THTPA: variants seen among roughly 807,000 people sequenced by gnomAD.
THTPA encodes the protein thiamine-triphosphatase.
THTPA carries 16 observed loss-of-function variants against 16.5 expected under a neutral mutation model. The ratio of observed to expected loss-of-function variants is 0.97; its 90% CI spans 0.66 to 1.47. The LOEUF is 1.47. Among genes scored for constraint, THTPA ranks in the 40% most tolerant of loss-of-function variants. The pLI, the probability that THTPA is intolerant of heterozygous loss-of-function variation, is 0.00. For synonymous variants in THTPA, 110 were observed against 115.5 expected, an observed-to-expected ratio of 0.95 and a Z score of 0.30; for missense variants, 281 against 280.9, an observed-to-expected ratio of 1.00 and a Z score of 0.00.
At chr14:23,525,261 C>T in the THTPA span, 1 of 1,536,116 alleles carries the variant, frequency 6.5e-7, no homozygotes, top group Non-Finnish European at 8.7e-7. This position sits in a 1 kb window ranked among gnomAD's most constrained non-coding sequence, Gnocchi z 5.9. Flanking sequence ...GCACGGGTCC[C>T]CCCTGCCTCA....
the THTPA span, among the ~76,000 whole-genome samples, chr14:23,536,954 A>ACGGTGAAACCC: frequency 5.7e-3 from 859 of 151,734 alleles, 11 homozygotes; most frequent in African/African-American, 0.02. Flanking sequence ...CCTGGCCAAC[A>ACGGTGAAACCC]TGGTGAAACC....
chr14:23,524,519 G>A, the THTPA span: 47 of 1,526,240 alleles, frequency 3.1e-5, no homozygotes, highest in Admixed American at 5.9e-5. The surrounding 1 kb of genome is among the most constrained non-coding windows in gnomAD (Gnocchi z 5.6). Flanking sequence ...CACCAGCAAG[G>A]GCAGATCTAG....
upstream of THTPA, among the ~76,000 whole-genome samples, chr14:23,552,014 ATG>A (rs1392091945): frequency 3.3e-5 from 5 of 151,944 alleles, no homozygotes; most frequent in Non-Finnish European, 7.4e-5. Context: ...GAAACCATAC[ATG>A]TGTTTTGTTG....
At chr14:23,535,408 G>A in the THTPA span, 76 of 1,401,592 alleles carry the variant, frequency 5.4e-5, no homozygotes, top group Middle Eastern at 4.3e-4. The surrounding 1 kb of genome is among the most constrained non-coding windows in gnomAD (Gnocchi z 4.5). Context: ...AGTGCTGTGA[G>A]GCTGCAGGGA....
rs1340475532 is a variant in THTPA at position 23,558,681 on chromosome 14, C to T, written c.548-14C>T. 1.2e-6 allele frequency: 2 copies of T among 1,614,108 alleles called. No individual in the cohort carries two copies. Among genetic ancestry groups the T allele is most frequent in the Non-Finnish European group, 1.7e-6 (2 of 1,180,002 alleles). ...CTCTGTCCATTTCTCTCCTCATTGT[C>T]CTTTTACCTGTAGGTGTGCCTGCAC... On this transcript the variant is annotated splice_polypyrimidine_tract_variant and intron_variant, in intron 1 of 1. Coordinates refer to ENST00000288014, the MANE Select transcript of THTPA (RefSeq NM_024328.6).
At chr14:23,545,829 G>C in the THTPA span, among the ~76,000 whole-genome samples, 2 of 152,224 alleles carry the variant, frequency 1.3e-5, no homozygotes, top group African/African-American at 4.8e-5. Context: ...AGAGGCTTGA[G>C]ATTAGGGAAA....
the THTPA span, chr14:23,526,326 G>A: frequency 2.0e-5 from 31 of 1,536,290 alleles, no homozygotes; most frequent in Admixed American, 4.9e-4. Flanking sequence ...TGAACCAACA[G>A]AATATTCTTC....
the THTPA span, chr14:23,534,165 G>A: frequency 2.0e-5 from 30 of 1,471,660 alleles, no homozygotes; most frequent in Middle Eastern, 1.8e-4. The surrounding 1 kb of genome is among the most constrained non-coding windows in gnomAD (Gnocchi z 4.5). Flanking sequence ...GGTTGAGTGG[G>A]GGGCAGAGCC....
chr14:23,522,949 G>T, the THTPA span: 2 of 1,437,662 alleles, frequency 1.4e-6, no homozygotes, highest in Non-Finnish European at 1.8e-6. Flanking sequence ...GGCCTAGAAA[G>T]GTGAAAGGAA....
chr14:23,543,278 A>G, the THTPA span: 4 of 152,190 alleles, frequency 2.6e-5, no homozygotes, highest in Non-Finnish European at 5.9e-5. Flanking sequence ...CTATTTTACA[A>G]ACATGGAGAC....
At chr14:23,527,747 G>A in the THTPA span, 37 of 1,536,128 alleles carry the variant, frequency 2.4e-5, no homozygotes, top group Admixed American at 4.9e-4. Context: ...GAGAGTGTAT[G>A]AGCCCTCACC....
the THTPA span, chr14:23,524,606 G>A: frequency 6.5e-7 from 1 of 1,536,380 alleles, no homozygotes; most frequent in Middle Eastern, 1.7e-4. This position sits in a 1 kb window ranked among gnomAD's most constrained non-coding sequence, Gnocchi z 5.6. Context: ...GTCCTGGCTG[G>A]AGAAAGAAAT....
chr14:23,522,038 G>A, the THTPA span: 1 of 1,536,388 alleles, frequency 6.5e-7, no homozygotes, highest in Non-Finnish European at 8.7e-7. Flanking sequence ...TTCCTCTTTG[G>A]CAAAAGCCAC....
At chr14:23,556,217 T>G (rs1390813852), upstream of THTPA, 1 of 154,196 alleles carries the variant, frequency 6.5e-6, no homozygotes, top group Non-Finnish European at 1.4e-5. Flanking sequence ...TGCCGGGACC[T>G]GCCGGGCGCG....
chr14:23,534,928 C>T, the THTPA span: 1 of 1,536,164 alleles, frequency 6.5e-7, no homozygotes, highest in Non-Finnish European at 8.7e-7. The surrounding 1 kb of genome is among the most constrained non-coding windows in gnomAD (Gnocchi z 4.5). Flanking sequence ...GAGTTCACTG[C>T]CACCTGGCAG....
the THTPA span, among the ~76,000 whole-genome samples, chr14:23,520,674 G>A: frequency 6.6e-6 from 1 of 152,050 alleles, no homozygotes; most frequent in African/African-American, 2.4e-5. This position sits in a 1 kb window ranked among gnomAD's most constrained non-coding sequence, Gnocchi z 8.7. Flanking sequence ...CACCTTGGAG[G>A]CTGCGCATAG....
the THTPA span, chr14:23,533,941 T>C: frequency 6.5e-7 from 1 of 1,538,086 alleles, no homozygotes; most frequent in Non-Finnish European, 8.7e-7. This position sits in a 1 kb window ranked among gnomAD's most constrained non-coding sequence, Gnocchi z 4.8. Flanking sequence ...CTGGTACTTG[T>C]AGTGCCAGTT....
chr14:23,539,060 T>C, the THTPA span, among the ~76,000 whole-genome samples: 2 of 152,116 alleles, frequency 1.3e-5, no homozygotes, highest in African/African-American at 4.8e-5. Context: ...GAGATGAATC[T>C]TGCAGCTCCA....
chr14:23,531,734 G>C, the THTPA span: 1 of 1,327,752 alleles, frequency 7.5e-7, no homozygotes, highest in Non-Finnish European at 9.7e-7. Context: ...AGAACCATGG[G>C]AAGAGGCTGG....
Sources: allele counts gnomAD v4.1 joint callset (sites outside exome capture counted in the v4.1 genomes callset), GRCh38; gene constraint gnomAD v4.1.1; non-coding constraint Gnocchi (gnomAD v3.1); transcripts MANE v1.5; gene names NCBI Gene and HGNC (gene_info 2026-07-23, HGNC 2026-07-21).